Variants in C1GALT1 observed in about 807,000 individuals in gnomAD.
C1GALT1 encodes the protein core 1 synthase, glycoprotein-N-acetylgalactosamine 3-beta-galactosyltransferase 1.
C1GALT1 carries 11 observed loss-of-function variants against 31.0 expected under a neutral mutation model. That is an observed-to-expected ratio of 0.36 (90% CI 0.22 to 0.59). C1GALT1 has a LOEUF of 0.59. Ranked by LOEUF, C1GALT1 falls within the 20% of genes least tolerant of loss-of-function variation. C1GALT1 has a pLI of 0.79. For missense variants in C1GALT1, 424 were observed against 425.2 expected (o/e 1.00, Z 0.03); for synonymous variants, 175 against 143.6 (o/e 1.22, Z -1.56).
At chr7:7,201,002 C>T (rs1488903290) in intron 1 of C1GALT1, among the ~76,000 whole-genome samples, 1 of 152,248 alleles carries the variant, frequency 6.6e-6, no homozygotes, top group Non-Finnish European at 1.5e-5. Context: ...CTTCTCTCAA[C>T]TCGTCAAAGT....
intron 1 of C1GALT1, among the ~76,000 whole-genome samples, chr7:7,191,808 G>A (rs554433434): frequency 7.3e-5 from 11 of 151,156 alleles, no homozygotes; most frequent in African/African-American, 2.7e-4. Context: ...TTTGCACATT[G>A]TTGAATCAGG....
chr7:7,174,587 GAA>G (rs142320914), intron 2 of C1GALT1, among the ~76,000 whole-genome samples: 2 of 145,134 alleles, frequency 1.4e-5, no homozygotes, highest in East Asian at 2.0e-4. Flanking sequence ...AGTTAAAAAA[GAA>G]AAAAAAAAAG....
upstream of C1GALT1, among the ~76,000 whole-genome samples, chr7:7,180,694 T>A (rs1020562665): frequency 4.6e-5 from 7 of 152,360 alleles, no homozygotes; most frequent in East Asian, 3.9e-4. Context: ...TTAAATTTTT[T>A]AAATTTGTTT....
chr7:7,210,675 G>A (rs1370679482), intron 1 of C1GALT1: 1 of 152,122 alleles, frequency 6.6e-6, no homozygotes, highest in Non-Finnish European at 1.5e-5. Flanking sequence ...GAAAAAGCTG[G>A]CTCTTCCACC....
intron 2 of C1GALT1, among the ~76,000 whole-genome samples, chr7:7,166,670 G>A (rs1038473875): frequency 6.6e-6 from 1 of 151,998 alleles, no homozygotes; most frequent in African/African-American, 2.4e-5. Context: ...AAAAACAACC[G>A]GGTTGAAATC....
chr7:7,182,335 A>AT (rs1460752631), upstream of C1GALT1, among the ~76,000 whole-genome samples: 1 of 152,214 alleles, frequency 6.6e-6, no homozygotes, highest in Non-Finnish European at 1.5e-5. Flanking sequence ...CAGGATCAGA[A>AT]ATGCGGAGAG....
At chr7:7,226,849 ATAATG>A (rs1188537640) in intron 1 of C1GALT1, among the ~76,000 whole-genome samples, 3 of 152,266 alleles carry the variant, frequency 2.0e-5, no homozygotes, top group Admixed American at 2.0e-4. Flanking sequence ...CATAATTCAT[ATAATG>A]TAAACTATGT....
intron 1 of C1GALT1, among the ~76,000 whole-genome samples, chr7:7,187,783 C>T (rs1034934410): frequency 7.9e-5 from 12 of 152,182 alleles, no homozygotes; most frequent in Admixed American, 2.6e-4. Flanking sequence ...GGGAACCTTT[C>T]AGTAACTGTA....
chr7:7,217,449 C>T (rs557003122), intron 1 of C1GALT1, among the ~76,000 whole-genome samples: 2 of 152,214 alleles, frequency 1.3e-5, no homozygotes, highest in African/African-American at 4.8e-5. Flanking sequence ...CCTCCTGCCT[C>T]AGCCTCTTAA....
intron 2 of C1GALT1, among the ~76,000 whole-genome samples, chr7:7,160,414 C>T (rs1029148947): frequency 5.3e-5 from 8 of 152,028 alleles, no homozygotes; most frequent in African/African-American, 1.9e-4. Context: ...ATAATGTTAC[C>T]TTGATTGACA....
rs1482393471 is a variant in C1GALT1 at position 7,244,638 on chromosome 7, T to A, written c.*911T>A. 2 of 152,166 alleles carry A rather than the reference T, an allele frequency of 1.3e-5. No individual in the cohort carries two copies. Among genetic ancestry groups the A allele is most frequent in the African/African-American group, 2.4e-5 (1 of 41,452 alleles). 9.4% of individuals were successfully genotyped at this position (152,166 alleles called of 1,614,324 possible). ...GGAATTACTAAGTGACATTTTAAAT[T>A]GATATTTTAAACTCTTTCCAACTAC... On this transcript the variant is annotated 3_prime_UTR_variant, in exon 4 of 4. Transcript: ENST00000436587.
chr7:7,166,304 T>C (rs1780391850), intron 2 of C1GALT1, among the ~76,000 whole-genome samples: 1 of 150,744 alleles, frequency 6.6e-6, no homozygotes, highest in African/African-American at 2.4e-5. Flanking sequence ...ATTCTTATAA[T>C]AGAATATTAC....
intron 1 of C1GALT1, among the ~76,000 whole-genome samples, chr7:7,223,906 G>T (rs990556193): frequency 6.6e-6 from 1 of 152,166 alleles, no homozygotes; most frequent in South Asian, 2.1e-4. Flanking sequence ...GTTAGTTTTT[G>T]ATACTTGTTC....
chr7:7,185,402 C>T lies in C1GALT1; in HGVS notation c.-18+2582C>T, dbSNP rs143945621. Among the ~76,000 whole-genome samples, 501 of 152,232 alleles carry T rather than the reference C, an allele frequency of 3.3e-3. 6 individuals are homozygous for T. Among genetic ancestry groups the T allele is most frequent in the African/African-American group, 0.011 (473 of 41,550 alleles). ...TTTCTAGGGCTGCGGTAACAAAATA[C>T]GACAAACTGGGTGATTTAAAACAAC... On this transcript the variant is annotated intron_variant, in intron 1 of 3. Transcript: ENST00000436587.
chr7:7,188,730 T>C (rs1366215508), intron 1 of C1GALT1, among the ~76,000 whole-genome samples: 1 of 151,962 alleles, frequency 6.6e-6, no homozygotes, highest in Admixed American at 6.6e-5. Context: ...AGTGAAATCA[T>C]ACTAGAAAAT....
At chr7:7,167,889 T>G (rs1435357939) in intron 2 of C1GALT1, among the ~76,000 whole-genome samples, 2 of 152,218 alleles carry the variant, frequency 1.3e-5, no homozygotes, top group Non-Finnish European at 2.9e-5. Context: ...TCTGAAGGCT[T>G]GGTTAGCTTC....
At chr7:7,243,157 G>C (rs1783705247) in intron 3 of C1GALT1, among the ~76,000 whole-genome samples, 1 of 152,140 alleles carries the variant, frequency 6.6e-6, no homozygotes, top group African/African-American at 2.4e-5. Flanking sequence ...AAAAATTACA[G>C]TGAGAAAATG....
chr7:7,187,412 G>A (rs1374011814), intron 1 of C1GALT1, among the ~76,000 whole-genome samples: 2 of 148,898 alleles, frequency 1.3e-5, no homozygotes, highest in Non-Finnish European at 3.0e-5. Flanking sequence ...ACCATGCCCA[G>A]CTAATTTCTT....
chr7:7,181,192 A>ATTGCGGAAAGGTGGAAGGATG (rs1168183961), upstream of C1GALT1, among the ~76,000 whole-genome samples: 18 of 109,178 alleles, frequency 1.6e-4, no homozygotes, highest in African/African-American at 4.5e-4. Flanking sequence ...ATGGCAAGAC[A>ATTGCGGAAAGGTGGAAGGATG]TTGCGGAAAG....
Sources: gnomAD v4.1 joint callset for allele counts (sites outside exome capture counted in the v4.1 genomes callset) on GRCh38, gnomAD v4.1.1 for gene constraint, MANE v1.5 for transcripts, NCBI Gene and HGNC (gene_info 2026-07-23, HGNC 2026-07-21) for gene names.